The following EML2 variants were observed in gnomAD, a reference collection of about 807,000 sequenced individuals.
The protein encoded by EML2 is echinoderm microtubule-associated protein-like 2.
Under a neutral mutation model 84.7 loss-of-function variants are expected in EML2, and 59 were observed. The ratio of observed to expected loss-of-function variants is 0.70; its 90% CI spans 0.56 to 0.86. The LOEUF is 0.86. Among genes scored for constraint, EML2 ranks in the 40% least tolerant of loss-of-function variants. The probability of loss-of-function intolerance (pLI) is 0.00; values close to 1 mark genes in which losing one functional copy is unlikely to be tolerated. For missense variants in EML2, 818 were observed against 855.6 expected (o/e 0.96, Z 0.55); for synonymous variants, 352 against 348.9 (o/e 1.01, Z -0.10).
chr19:45,642,164 C>A, upstream of EML2: 1 of 1,520,958 alleles, frequency 6.6e-7, no homozygotes, highest in South Asian at 1.2e-5. Context: ...CGCGGAGGCG[C>A]CCGGCCCTTG....
At chr19:45,614,849 A>G (rs1970850358) in intron 16 of EML2, 149 bp from the exon 17 acceptor site, 4 of 639,886 alleles carry the variant, frequency 6.3e-6, no homozygotes. Flanking sequence ...CTGAGAAGGC[A>G]TCACATGCTG....
In EML2 at chr19:45,618,983, C is replaced by CT. The variant is rs1378859120; in HGVS notation, c.1254+76dup. ...AAAAAAGACCTTGTTTGGTTTCAGT[C>CT]TAATGTGCTGAGCCCTGACACAGGG... On this transcript the variant is annotated intron_variant, in intron 12 of 18. Coordinates refer to ENST00000245925, the MANE Select transcript of EML2 (RefSeq NM_012155.4). 6.4e-6 allele frequency: 9 copies of CT among 1,408,452 alleles called. No homozygotes were observed. The South Asian group carries it at 1.3e-4, about 21-fold the overall frequency. The allele number at this position is 1,408,452 out of a possible 1,614,324, so 87.2% of individuals were successfully genotyped here. A position where few individuals can be genotyped will look rare whatever the true frequency, so the allele number is the denominator to read the frequency against.
chr19:45,638,467 G>A, intron 3 of EML2, 38 bp downstream of exon 3: 1 of 1,613,134 alleles, frequency 6.2e-7, no homozygotes. Context: ...TCCTCCTGGG[G>A]GGATGGGAGC....
upstream of EML2, chr19:45,641,878 G>A (rs1028224649): frequency 2.7e-6 from 4 of 1,461,608 alleles, no homozygotes; most frequent in African/African-American, 5.6e-5. Context: ...TCTCCCACGA[G>A]GTCTTGGAAG....
intron 13 of EML2, 51 bp from the exon 14 acceptor site, chr19:45,616,904 A>G (rs1180407023): frequency 7.3e-7 from 1 of 1,376,944 alleles, no homozygotes; most frequent in Admixed American, 1.8e-5. Context: ...GATCTGACAG[A>G]GAGAGGCCGC....
chr19:45,643,743 C>G (rs569464528), upstream of EML2: 3 of 1,520,650 alleles, frequency 2.0e-6, no homozygotes, highest in South Asian at 3.6e-5. Context: ...CGCCGCTCCT[C>G]CCTCCTTCCC....
At chr19:45,616,725 C>A in intron 14 of EML2, 40 bp downstream of exon 14, 1 of 1,582,960 alleles carries the variant, frequency 6.3e-7, no homozygotes, top group South Asian at 1.1e-5. Context: ...GCCTCTGTCC[C>A]CTGGCCCTGC....
chr19:45,635,975 A>G (rs1180297623), intron 3 of EML2, among the ~76,000 whole-genome samples: 1 of 152,122 alleles, frequency 6.6e-6, no homozygotes, highest in East Asian at 1.9e-4. Context: ...ATAGATCTCA[A>G]GATGAGATCA....
At position 45,609,572 on chromosome 19, in the gene EML2, A is replaced by G; in HGVS notation, c.*91T>C. 1 of 1,379,244 alleles carries G rather than the reference A, an allele frequency of 7.3e-7. No individual in the cohort carries two copies. Among genetic ancestry groups the G allele is most frequent in the Non-Finnish European group, 9.6e-7 (1 of 1,042,594 alleles). 85.4% of individuals were successfully genotyped at this position (1,379,244 alleles called of 1,614,324 possible). ...GCCCCCATAACCCCCTCTGCTATAG[A>G]CATACTCTGGGTATATATTACTCTA... On this transcript the variant is annotated 3_prime_UTR_variant, in exon 19 of 19. Transcript: ENST00000245925.
At chr19:45,623,082 G>A (rs1403228094) in intron 9 of EML2, among the ~76,000 whole-genome samples, 10 of 150,632 alleles carry the variant, frequency 6.6e-5, no homozygotes, top group African/African-American at 2.0e-4. Context: ...CAGGCTGGCC[G>A]AGTGCGGTGG....
upstream of EML2, chr19:45,645,358 G>A (rs1355926859): frequency 1.3e-6 from 2 of 1,528,422 alleles, no homozygotes; most frequent in African/African-American, 1.4e-5. Flanking sequence ...CACAGCCACC[G>A]CCGGCCCCCC....
At chr19:45,635,426 G>A (rs10775544) in intron 3 of EML2, among the ~76,000 whole-genome samples, 94,953 of 151,502 alleles carry the variant, frequency 0.63, 31,799 homozygotes, top group African/African-American at 0.87. Flanking sequence ...GGTTTGAGCC[G>A]CTGGCGCCCA....
chr19:45,643,301 G>C (rs758506880), upstream of EML2, among the ~76,000 whole-genome samples: 1 of 152,206 alleles, frequency 6.6e-6, no homozygotes, highest in African/African-American at 2.4e-5. Context: ...CCTGGCGGCG[G>C]ACTTGGGGGT....
At chr19:45,616,002 A>G in intron 15 of EML2, 113 bp from the exon 16 acceptor site, 1 of 759,352 alleles carries the variant, frequency 1.3e-6, no homozygotes, top group Non-Finnish European at 2.3e-6. Flanking sequence ...GCGAGAACAC[A>G]AGGGGACTAA....
intron 6 of EML2, chr19:45,632,487 A>ATT: frequency 5.5e-6 from 1 of 182,936 alleles, no homozygotes; most frequent in South Asian, 1.0e-4. Context: ...CCAAAATAGG[A>ATT]TTTTTTTTTA....
upstream of EML2, among the ~76,000 whole-genome samples, chr19:45,643,300 G>A (rs557699478): frequency 2.6e-5 from 4 of 152,308 alleles, no homozygotes; most frequent in African/African-American, 4.8e-5. Flanking sequence ...CCCTGGCGGC[G>A]GACTTGGGGG....
At chr19:45,642,269 C>G (rs773369167), upstream of EML2, 1 of 1,535,872 alleles carries the variant, frequency 6.5e-7, no homozygotes, top group Non-Finnish European at 8.7e-7. Context: ...ACCGCCAGCT[C>G]GTCTTCCTGT....
At chr19:45,620,835 G>A in intron 11 of EML2, 1 of 371,702 alleles carries the variant, frequency 2.7e-6, no homozygotes, top group Non-Finnish European at 5.3e-6. Context: ...TGAGCTTCGA[G>A]AAGAAATGCA....
chr19:45,627,421 A>T (rs1365358163), intron 7 of EML2, among the ~76,000 whole-genome samples: 76 of 151,236 alleles, frequency 5.0e-4, no homozygotes, highest in Admixed American at 5.0e-3. Context: ...CACCTGGCTA[A>T]TTTTTGTATT....
Sources: gnomAD v4.1 joint callset for allele counts (sites outside exome capture counted in the v4.1 genomes callset) on GRCh38, gnomAD v4.1.1 for gene constraint, MANE v1.5 for transcripts, NCBI Gene and HGNC (gene_info 2026-07-23, HGNC 2026-07-21) for gene names.